Variants in NTM observed in about 807,000 individuals in gnomAD.
NTM encodes the protein neurotrimin, also known as IgLON family member 2.
A neutral mutation model predicts 42.1 loss-of-function variants in NTM; 13 were observed. The observed-to-expected ratio is 0.31, with a 90% CI of 0.20 to 0.49. The LOEUF is 0.49. Among genes scored for constraint, NTM ranks in the 20% least tolerant of loss-of-function variants. The probability of loss-of-function intolerance (pLI) is 0.99; values close to 1 mark genes in which losing one functional copy is unlikely to be tolerated. For synonymous variants in NTM, 187 were observed against 179.2 expected, an observed-to-expected ratio of 1.04 and a Z score of -0.35; for missense variants, 373 against 452.8, an observed-to-expected ratio of 0.82 and a Z score of 1.60.
At chr11:131,997,453 G>A (rs1008999023) in intron 2 of NTM, among the ~76,000 whole-genome samples, 24 of 152,186 alleles carry the variant, frequency 1.6e-4, no homozygotes, top group Admixed American at 7.2e-4. Context: ...CATTGTCTCA[G>A]TAATCGTGAC....
In NTM at chr11:131,532,571, A is replaced by T. The variant is rs11222687; in HGVS notation, c.82+161683A>T. Among the ~76,000 whole-genome samples, 800 of 152,244 alleles carry T rather than the reference A, an allele frequency of 5.3e-3. 2 individuals carry two copies. Among genetic ancestry groups the T allele is most frequent in the Middle Eastern group, 0.031 (9 of 294 alleles). On this transcript the variant is annotated intron_variant, in intron 1 of 8. Transcript: ENST00000683400. ...TCAAGTCCCTGCTTTCTATTCCTTT[A>T]GGTGTATACCCAGAAGTGGAAGAGC...
intron 2 of NTM, among the ~76,000 whole-genome samples, chr11:132,046,668 C>G (rs568162621): frequency 2.1e-4 from 32 of 152,264 alleles, no homozygotes; most frequent in African/African-American, 7.7e-4. Flanking sequence ...AGATCATTCC[C>G]AGGCGACACT....
intron 3 of NTM, among the ~76,000 whole-genome samples, chr11:132,203,857 C>A (rs992785914): frequency 4.6e-5 from 7 of 152,084 alleles, no homozygotes; most frequent in African/African-American, 1.7e-4. Flanking sequence ...CTAGATCGCA[C>A]CACTGCACTC....
At chr11:132,212,958 C>CA (rs11442460) in intron 4 of NTM, among the ~76,000 whole-genome samples, 54,150 of 140,100 alleles carry the variant, frequency 0.39, 10,135 homozygotes, top group Middle Eastern at 0.55. Context: ...AGACAGATGA[C>CA]AAAAAAAAAA....
At chr11:131,827,807 A>G (rs996693743) in intron 1 of NTM, among the ~76,000 whole-genome samples, 29 of 152,200 alleles carry the variant, frequency 1.9e-4, no homozygotes, top group Non-Finnish European at 3.7e-4. Context: ...TTCTAACAAA[A>G]TGATCAAATT....
At chr11:131,390,375 T>C (rs1479971760) in intron 1 of NTM, among the ~76,000 whole-genome samples, 1 of 152,062 alleles carries the variant, frequency 6.6e-6, no homozygotes, top group African/African-American at 2.4e-5. Context: ...CACGTTTCAA[T>C]ATGAGATTTG....
intron 1 of NTM, among the ~76,000 whole-genome samples, chr11:131,793,730 G>T (rs1455669908): frequency 1.3e-5 from 2 of 152,102 alleles, no homozygotes; most frequent in African/African-American, 4.8e-5. Context: ...CAAAAATGGG[G>T]ATCGGCATGC....
At position 131,827,924 on chromosome 11, in the gene NTM, C is replaced by A. The variant is rs60551721; in HGVS notation, c.83-83640C>A. 3.7e-3 allele frequency among the ~76,000 whole-genome samples: 560 copies of A among 152,254 alleles called. 2 individuals carry two copies. The highest frequency in any genetic ancestry group is 0.013 in the African/African-American group (524 of 41,542). On this transcript the variant is annotated intron_variant, in intron 1 of 8. Coordinates refer to ENST00000683400, the MANE Select transcript of NTM (RefSeq NM_001352005.2). ...TCTCCTATTCCCAGACGTTGGCACA[C>A]AAACCAGTTCTCTACTGGATTAAAT... is the stretch of plus-strand genomic sequence containing the variant.
intron 2 of NTM, among the ~76,000 whole-genome samples, chr11:132,080,621 C>T (rs1301038400): frequency 6.6e-6 from 1 of 152,188 alleles, no homozygotes; most frequent in Non-Finnish European, 1.5e-5. Context: ...TCTGTATTCC[C>T]TTGGGCTCTG....
At chr11:131,911,406 C>T (rs1159719221) in intron 1 of NTM, 158 bp from the exon 2 acceptor site, 3 of 1,600,720 alleles carry the variant, frequency 1.9e-6, no homozygotes, top group East Asian at 2.2e-5. Context: ...CTCCGCACCC[C>T]ACCCACTTCC....
chr11:131,423,431 T>C (rs1947736448), intron 1 of NTM, among the ~76,000 whole-genome samples: 1 of 152,174 alleles, frequency 6.6e-6, no homozygotes, highest in African/African-American at 2.4e-5. Flanking sequence ...AACATCTGCA[T>C]TCTCTAAGTT....
intron 1 of NTM, among the ~76,000 whole-genome samples, chr11:131,478,480 C>T (rs921033264): frequency 6.6e-6 from 1 of 152,062 alleles, no homozygotes; most frequent in Non-Finnish European, 1.5e-5. Context: ...GCTTTATCTG[C>T]CTCATCCACA....
At chr11:132,120,022 G>A (rs1201478611) in intron 2 of NTM, among the ~76,000 whole-genome samples, 1 of 152,278 alleles carries the variant, frequency 6.6e-6, no homozygotes, top group African/African-American at 2.4e-5. Flanking sequence ...AGAAGAATGC[G>A]ATTCTGGGCA....
intron 1 of NTM, among the ~76,000 whole-genome samples, chr11:131,897,916 A>C (rs546014887): frequency 1.2e-4 from 19 of 152,200 alleles, no homozygotes; most frequent in Non-Finnish European, 8.8e-5. Flanking sequence ...AATTCCCAGA[A>C]TTCAGTGTCA....
intron 1 of NTM, among the ~76,000 whole-genome samples, chr11:131,647,864 T>G (rs538984556): frequency 6.6e-6 from 1 of 152,290 alleles, no homozygotes; most frequent in African/African-American, 2.4e-5. Flanking sequence ...TTTGTTAACT[T>G]TTGTTTTGGG....
chr11:132,072,757 C>T (rs895345969), intron 2 of NTM, among the ~76,000 whole-genome samples: 13 of 152,190 alleles, frequency 8.5e-5, no homozygotes, highest in East Asian at 1.9e-4. Context: ...GCCACCTCCC[C>T]GGGAGAGAGG....
At chr11:131,472,965 G>A (rs1323452908) in intron 1 of NTM, among the ~76,000 whole-genome samples, 1 of 152,040 alleles carries the variant, frequency 6.6e-6, no homozygotes, top group Non-Finnish European at 1.5e-5. Flanking sequence ...GATTTTCCAC[G>A]GTGTACATAG....
chr11:131,426,131 T>C (rs1227786994), intron 1 of NTM, among the ~76,000 whole-genome samples: 1 of 152,172 alleles, frequency 6.6e-6, no homozygotes, highest in Admixed American at 6.5e-5. Flanking sequence ...TCAAGCTCCT[T>C]GTCCTCATTA....
chr11:132,088,796 C>A (rs1015186702), intron 2 of NTM, among the ~76,000 whole-genome samples: 1 of 152,190 alleles, frequency 6.6e-6, no homozygotes, highest in Non-Finnish European at 1.5e-5. Context: ...TCTCTGAGGA[C>A]ACTTCCCTAT....
Sources: allele counts gnomAD v4.1 joint callset (sites outside exome capture counted in the v4.1 genomes callset), GRCh38; gene constraint gnomAD v4.1.1; transcripts MANE v1.5; gene names NCBI Gene and HGNC (gene_info 2026-07-23, HGNC 2026-07-21).